Variants in KIF7 observed in about 807,000 individuals in gnomAD.
KIF7 encodes the protein kinesin family member 7, also known as kinesin-like protein KIF7.
In KIF7, 104 loss-of-function variants were observed where a neutral mutation model predicts 135.7. The observed-to-expected ratio is 0.77, with a 90% CI of 0.65 to 0.90. KIF7 has a LOEUF of 0.90. KIF7 is among the 40% of genes least tolerant of loss of function. The pLI is 0.00. For synonymous variants in KIF7, 883 were observed against 809.4 expected, an observed-to-expected ratio of 1.09 and a Z score of -1.54; for missense variants, 2,005 against 1,839.1, an observed-to-expected ratio of 1.09 and a Z score of -1.65.
At position 89,633,192 on chromosome 15, in the gene KIF7, C is replaced by G. The variant is rs1379272705; in HGVS notation, c.2667G>C (p.Arg889Ser). Residue 889 changes from arginine to serine, a missense_variant, in exon 13 of 19, where the codon AGG becomes AGC. Arg to Ser is a moderately radical substitution (Grantham distance 110). Transcript: ENST00000394412. Reference protein sequence around the residue: ...IKTEEIAAFQRKRRSGSNGSV... With the variant: ...IKTEEIAAFQSKRRSGSNGSV... The stretch of plus-strand genomic sequence containing the variant: ...AGCCGTTGCTGCCACTGCGCCTCTT[C>G]CTCTGGAATGCCGCGATCTCTTCCG... 4 of 1,605,352 alleles carry G rather than the reference C, an allele frequency of 2.5e-6. No individual in the cohort carries two copies. Among genetic ancestry groups the G allele is most frequent in the Admixed American group, 1.7e-5 (1 of 59,732 alleles).
Position 89,652,732 on chromosome 15 carries a change from GC to G in KIF7, c.198del (p.Gln67ArgfsTer115). 1 of 1,551,744 alleles carries G rather than the reference GC, an allele frequency of 6.4e-7. No individual in the cohort carries two copies. The highest frequency in any genetic ancestry group is 8.7e-7 in the Non-Finnish European group (1 of 1,146,984). ...ACGCAGGCCTGGTACACGGCCTCCTGCCCCGCATCCTCGGCCAGCACCACGT... is the reference window on the plus strand; with the variant it reads ...ACGCAGGCCTGGTACACGGCCTCCTGCCCGCATCCTCGGCCAGCACCACGT... Reference protein sequence around the residue: ...GFHVVLAEDAGQEAVYQACVQ... With the variant: ...GFHVVLAEDAXQEAVYQACVQ... On this transcript the variant is annotated frameshift_variant, in exon 2 of 19. Coordinates refer to ENST00000394412, the MANE Select transcript of KIF7 (RefSeq NM_198525.3). LOFTEE classifies it high-confidence loss of function.
At position 89,629,834 on chromosome 15, in the gene KIF7, C is replaced by T. The variant is rs146119448; in HGVS notation, c.3319-261G>A. ...CCACACACTATGGAGCTGGGCAGAG[C>T]GTCAAGTTGTGGGATTTCATCTAGA... On this transcript the variant is annotated intron_variant, in intron 16 of 18. Coordinates refer to ENST00000394412, the MANE Select transcript of KIF7 (RefSeq NM_198525.3). The T allele has an allele frequency of 4.0e-3, 2,286 of 573,704 alleles. 36 individuals carry two copies. The highest frequency in any genetic ancestry group is 0.033 in the African/African-American group (1,781 of 53,512). 35.5% of individuals were successfully genotyped at this position (573,704 alleles called of 1,614,324 possible).
At chr15:89,652,141 C>A (rs1964133638) in intron 2 of KIF7, among the ~76,000 whole-genome samples, 1 of 152,174 alleles carries the variant, frequency 6.6e-6, no homozygotes, top group African/African-American at 2.4e-5. Flanking sequence ...TCAGTTGGCC[C>A]AAAGGATCTT....
chr15:89,626,080 C>T (rs928329392), downstream of KIF7: 2 of 1,609,880 alleles, frequency 1.2e-6, no homozygotes, highest in Non-Finnish European at 1.7e-6. Context: ...TGTTGAAGGT[C>T]TAGGACCCTT....
upstream of KIF7, among the ~76,000 whole-genome samples, chr15:89,660,249 T>A (rs1466227223): frequency 2.0e-5 from 3 of 152,206 alleles, no homozygotes; most frequent in Non-Finnish European, 4.4e-5. Flanking sequence ...AGGAGAGTGA[T>A]GTGGCAGAGA....
At chr15:89,643,054 C>T (rs1368242335) in intron 10 of KIF7, among the ~76,000 whole-genome samples, 1 of 146,172 alleles carries the variant, frequency 6.8e-6, no homozygotes, top group Non-Finnish European at 1.5e-5. Flanking sequence ...AATGACACCA[C>T]AAAAAAGCAA....
chr15:89,625,235 A>G (rs1167930893), downstream of KIF7: 7 of 1,613,156 alleles, frequency 4.3e-6, no homozygotes, highest in African/African-American at 6.7e-5. Flanking sequence ...GGGCAAACCT[A>G]CATCTGCCAG....
At chr15:89,661,424 A>G in the KIF7 span, among the ~76,000 whole-genome samples, 1 of 152,124 alleles carries the variant, frequency 6.6e-6, no homozygotes, top group African/African-American at 2.4e-5. Context: ...GAGAAACAAA[A>G]AAATTCAGGA....
intron 1 of KIF7, chr15:89,621,580 TATA>T (rs1843740315): frequency 6.3e-7 from 1 of 1,575,028 alleles, no homozygotes; most frequent in Non-Finnish European, 8.6e-7. Context: ...TTTGAAATAA[TATA>T]ATCTCCTGGA....
rs12900185 is a variant in KIF7, at chr15:89,631,884, G to A, written c.2896-174C>T. ...GTTCACAGAGACTCCAGGAGGCGGGGCTAAAGGGACCAGAGCATTTGCAGA... is the reference window on the plus strand; with the variant it reads ...GTTCACAGAGACTCCAGGAGGCGGGACTAAAGGGACCAGAGCATTTGCAGA... On this transcript the variant is annotated intron_variant, in intron 14 of 18. Transcript: ENST00000394412. 0.53 allele frequency among the ~76,000 whole-genome samples: 80,773 copies of A among 152,052 alleles called. 21,736 individuals are homozygous for A. Among genetic ancestry groups the A allele is most frequent in the Non-Finnish European group, 0.58 (39,653 of 67,966 alleles).
At chr15:89,625,091 GCT>G (rs757734470), downstream of KIF7, 63 of 1,613,818 alleles carry the variant, frequency 3.9e-5, no homozygotes, top group Non-Finnish European at 5.0e-5. Context: ...AAGGAGGAGA[GCT>G]CTCTGGGAGA....
chr15:89,647,190 C>T, intron 6 of KIF7, 133 bp from the exon 7 acceptor site: 1 of 757,892 alleles, frequency 1.3e-6, no homozygotes, highest in Non-Finnish European at 2.2e-6. Flanking sequence ...TACTCCTCTC[C>T]TCCCCAACAA....
chr15:89,641,706 C>T (rs1006669388), intron 11 of KIF7, among the ~76,000 whole-genome samples: 11 of 152,174 alleles, frequency 7.2e-5, no homozygotes, highest in African/African-American at 2.4e-4. Flanking sequence ...GAGGCTGAGA[C>T]AGGAGAATCA....
At position 89,645,880 on chromosome 15, in the gene KIF7, G is replaced by A. The variant is rs376321790; in HGVS notation, c.1922+13C>T. 1.7e-4 allele frequency: 282 copies of A among 1,612,416 alleles called. No individual in the cohort carries two copies. Among genetic ancestry groups the A allele is most frequent in the Admixed American group, 2.3e-4 (14 of 59,896 alleles). On this transcript the variant is annotated intron_variant, in intron 8 of 18. Transcript: ENST00000394412. Reference sequence around the variant, plus strand: ...CAGGTCCTTGTCAGGTGGGGGCAGTGGGTCCCACTCACCTGCGCAGGTGTA... The same window carrying A: ...CAGGTCCTTGTCAGGTGGGGGCAGTAGGTCCCACTCACCTGCGCAGGTGTA...
intron 15 of KIF7, chr15:89,630,974 G>A (rs1963661095): frequency 4.0e-6 from 1 of 248,380 alleles, no homozygotes; most frequent in Non-Finnish European, 7.9e-6. Flanking sequence ...GAATACTGTA[G>A]GCAGTTGTTA....
intron 12 of KIF7, among the ~76,000 whole-genome samples, 161 bp downstream of exon 12, chr15:89,633,525 C>A (rs1432802014): frequency 6.6e-6 from 1 of 152,228 alleles, no homozygotes; most frequent in Non-Finnish European, 1.5e-5. Flanking sequence ...TTTCCTATAA[C>A]ATTCCACATT....
At chr15:89,644,954 A>G in intron 10 of KIF7, 59 bp downstream of exon 10, 1 of 1,596,140 alleles carries the variant, frequency 6.3e-7, no homozygotes, top group Non-Finnish European at 8.5e-7. Context: ...AGAACAGTGC[A>G]GAAGTAACGA....
In KIF7 at chr15:89,628,709, G is replaced by C. The variant is rs201519024; in HGVS notation, c.3742C>G (p.Leu1248Val). 2 of 1,613,092 alleles carry C rather than the reference G, an allele frequency of 1.2e-6. No individual in the cohort carries two copies. The highest frequency in any genetic ancestry group is 1.3e-5 in the African/African-American group (1 of 75,042). Residue 1248 changes from leucine to valine, a missense_variant, in exon 19 of 19, where the codon CTT becomes GTT. Coordinates refer to ENST00000394412, the MANE Select transcript of KIF7 (RefSeq NM_198525.3). ...NEDELHLAPE[L>V]LWLSPLTEGA... ...TCAGTGAGGGGGGACAGCCAGAGAA[G>C]CTCGGGTGCCAGGTGGAGCTCATCT...
intron 11 of KIF7, among the ~76,000 whole-genome samples, chr15:89,641,585 T>G (rs1963920169): frequency 6.6e-6 from 1 of 152,086 alleles, no homozygotes; most frequent in Non-Finnish European, 1.5e-5. Flanking sequence ...GCGGATCACT[T>G]GAGGTCAGGA....
Sources: allele counts gnomAD v4.1 joint callset (sites outside exome capture counted in the v4.1 genomes callset), GRCh38; gene constraint gnomAD v4.1.1; transcripts MANE v1.5; gene names NCBI Gene and HGNC (gene_info 2026-07-23, HGNC 2026-07-21).